The following CDC20B variants were observed in gnomAD, a reference collection of about 807,000 sequenced individuals.
CDC20B encodes cell division cycle 20B, also known as cell division cycle protein 20 homolog B.
CDC20B carries 58 observed loss-of-function variants against 64.1 expected under a neutral mutation model. The ratio of observed to expected loss-of-function variants is 0.90; its 90% confidence interval spans 0.73 to 1.13. The LOEUF (loss-of-function observed/expected upper bound fraction) is 1.13. Among genes scored for constraint, CDC20B ranks in the 50% most tolerant of loss-of-function variants. The pLI is 0.00. For synonymous variants in CDC20B, 243 were observed against 230.6 expected, an observed-to-expected ratio of 1.05 and a Z score of -0.49; for missense variants, 597 against 633.0, an observed-to-expected ratio of 0.94 and a Z score of 0.61.
At chr5:55,124,718 G>T in intron 9 of CDC20B, 85 bp downstream of exon 9, 1 of 1,119,094 alleles carries the variant, frequency 8.9e-7, no homozygotes, top group South Asian at 1.6e-5. Flanking sequence ...TCAAAATATT[G>T]GCTTAATGAT....
intron 2 of CDC20B, among the ~76,000 whole-genome samples, chr5:55,171,238 G>A (rs951245071): frequency 4.1e-4 from 62 of 152,240 alleles, no homozygotes; most frequent in African/African-American, 1.2e-3. Flanking sequence ...ACTTGAACCC[G>A]GGAGCTGGAG....
At chr5:55,124,137 G>T (rs1218291170) in intron 9 of CDC20B, among the ~76,000 whole-genome samples, 1 of 152,172 alleles carries the variant, frequency 6.6e-6, no homozygotes, top group African/African-American at 2.4e-5. Context: ...AAATAATTAT[G>T]CAGAACATGG....
At position 55,143,414 on chromosome 5, in the gene CDC20B, G is replaced by A. The variant is rs930002394; in HGVS notation, c.486+99C>T. The A allele has an allele frequency of 5.8e-6, 7 of 1,214,380 alleles. No individual in the cohort carries two copies. In the Admixed American group the frequency reaches 1.7e-4, roughly 30 times the overall value. The allele number at this position is 1,214,380 out of a possible 1,614,324, so 75.2% of individuals were successfully genotyped here. A position where few individuals can be genotyped will look rare whatever the true frequency, so the allele number is the denominator to read the frequency against. On this transcript the variant is annotated intron_variant, in intron 4 of 11. Transcript: ENST00000381375. ...ATCAGGAATGCATCATTTTCTTATTGATTGGTAAGAGAACTAAGCAACTCT... is the reference window on the plus strand; with the variant it reads ...ATCAGGAATGCATCATTTTCTTATTAATTGGTAAGAGAACTAAGCAACTCT...
At chr5:55,138,960 A>T (rs1428881029) in intron 5 of CDC20B, among the ~76,000 whole-genome samples, 2 of 152,052 alleles carry the variant, frequency 1.3e-5, no homozygotes, top group African/African-American at 4.8e-5. Flanking sequence ...CAATAAAAAA[A>T]ATATTAAAAA....
chr5:55,149,601 G>T lies in CDC20B; in HGVS notation c.127-2745C>A, dbSNP rs557890674. ...GCATTATGCTAAGTGAAAGAAGCCA[G>T]ACAGGAAAGGTCACATATTGTGTGA... is the stretch of plus-strand genomic sequence containing the variant. On this transcript the variant is annotated intron_variant, in intron 2 of 11. Coordinates refer to ENST00000381375, the MANE Select transcript of CDC20B (RefSeq NM_001170402.1). 2.0e-4 allele frequency among the ~76,000 whole-genome samples: 31 copies of T among 152,296 alleles called. No individual in the cohort carries two copies. In the South Asian group the frequency reaches 6.4e-3, roughly 32 times the overall value.
chr5:55,123,792 T>C (rs993398835), intron 9 of CDC20B, among the ~76,000 whole-genome samples: 3 of 152,218 alleles, frequency 2.0e-5, no homozygotes, highest in Non-Finnish European at 4.4e-5. Context: ...ACATATATTT[T>C]GCCTACTTCA....
Position 55,160,847 on chromosome 5 carries a change from A to G in CDC20B, c.126+11741T>C. ...CCAGGCATCTAGGTTACAGTTTTCA[A>G]TAGAACTGTGTATGTCCAAAAATAT... is the stretch of plus-strand genomic sequence containing the variant. On this transcript the variant is annotated intron_variant, in intron 2 of 11. Transcript: ENST00000381375. 21 of 826,362 alleles carry G rather than the reference A, an allele frequency of 2.5e-5. No individual in the cohort carries two copies. The South Asian group carries it at 4.0e-4, about 16-fold the overall frequency. 51.2% of individuals were successfully genotyped at this position (826,362 alleles called of 1,614,324 possible).
At chr5:55,150,152 T>TA (rs1045345429) in intron 2 of CDC20B, among the ~76,000 whole-genome samples, 2 of 152,082 alleles carry the variant, frequency 1.3e-5, no homozygotes, top group African/African-American at 4.8e-5. Context: ...AATAAAAAAT[T>TA]AAAAAATAAA....
intron 6 of CDC20B, among the ~76,000 whole-genome samples, chr5:55,130,697 T>C (rs1184473346): frequency 6.6e-6 from 1 of 152,186 alleles, no homozygotes; most frequent in Non-Finnish European, 1.5e-5. Flanking sequence ...TCTTCAGAAA[T>C]GAAGGAGAAC....
chr5:55,145,993 G>T (rs1430666854), intron 3 of CDC20B, among the ~76,000 whole-genome samples: 1 of 152,008 alleles, frequency 6.6e-6, no homozygotes, highest in Non-Finnish European at 1.5e-5. Flanking sequence ...ACATATATAT[G>T]TGTGTATGTG....
intron 2 of CDC20B, among the ~76,000 whole-genome samples, chr5:55,157,111 T>A (rs1162580455): frequency 6.6e-6 from 1 of 152,202 alleles, no homozygotes; most frequent in East Asian, 1.9e-4. Context: ...CTTGCCTTCA[T>A]CATGAACTCA....
At chr5:55,125,805 T>A (rs1742872782) in intron 8 of CDC20B, among the ~76,000 whole-genome samples, 1 of 152,244 alleles carries the variant, frequency 6.6e-6, no homozygotes, top group Non-Finnish European at 1.5e-5. Context: ...GCATTGTGAT[T>A]AACAATATGG....
chr5:55,120,533 G>A lies in CDC20B; in HGVS notation c.1233C>T (p.Pro411=). ...STAVKAMDWC[P]WQSGVLAIGG... ...CAATGGCAAGGACCCCAGACTGCCA[G>A]GGACACCAATCCATGGCCTTTAAAG... is the stretch of plus-strand genomic sequence containing the variant. Residue 411 remains proline (P), a synonymous_variant, in exon 10 of 12, where the codon CCC becomes CCT. Coordinates refer to ENST00000381375, the MANE Select transcript of CDC20B (RefSeq NM_001170402.1). 1 of 1,613,592 alleles carries A rather than the reference G, an allele frequency of 6.2e-7. No individual in the cohort carries two copies.
chr5:55,147,423 TA>T (rs201110630), intron 2 of CDC20B, among the ~76,000 whole-genome samples: 19,423 of 144,742 alleles, frequency 0.13, 1,556 homozygotes, highest in South Asian at 0.25. Context: ...ATATTTTATA[TA>T]TTTTTATATT....
chr5:55,121,401 T>C (rs1280096260), intron 9 of CDC20B, among the ~76,000 whole-genome samples: 1 of 152,222 alleles, frequency 6.6e-6, no homozygotes, highest in African/African-American at 2.4e-5. Flanking sequence ...TTCCATCGTG[T>C]CGTTATATCC....
intron 2 of CDC20B, 64 bp from the exon 3 acceptor site, chr5:55,146,920 TA>T: frequency 1.7e-6 from 2 of 1,148,284 alleles, no homozygotes; most frequent in Non-Finnish European, 2.6e-6. Context: ...AAAAATTCCC[TA>T]TAAGAGAATT....
chr5:55,138,135 A>G (rs915033734), intron 5 of CDC20B, among the ~76,000 whole-genome samples: 16 of 148,066 alleles, frequency 1.1e-4, no homozygotes, highest in Non-Finnish European at 2.2e-4. Context: ...CACCATGGAG[A>G]TGTATGAAAC....
At chr5:55,120,323 A>G (rs1742725456) in intron 10 of CDC20B, 102 bp downstream of exon 10, 6 of 1,354,512 alleles carry the variant, frequency 4.4e-6, no homozygotes, top group South Asian at 1.3e-5. Context: ...TATGGACTCA[A>G]TAGAGAAAGA....
intron 9 of CDC20B, among the ~76,000 whole-genome samples, chr5:55,124,073 C>G (rs970748873): frequency 3.9e-5 from 6 of 152,114 alleles, no homozygotes; most frequent in African/African-American, 1.4e-4. Context: ...ACCAAGTCCT[C>G]AAGAAGGAAA....
Sources: gnomAD v4.1 joint callset for allele counts (sites outside exome capture counted in the v4.1 genomes callset) on GRCh38, gnomAD v4.1.1 for gene constraint, MANE v1.5 for transcripts, NCBI Gene and HGNC (gene_info 2026-07-23, HGNC 2026-07-21) for gene names.